Variants in ATP9B observed in about 807,000 individuals in gnomAD.
ATP9B encodes ATPase phospholipid transporting 9B.
A neutral mutation model predicts 146.1 loss-of-function variants in ATP9B; 110 were observed. The ratio of observed to expected loss-of-function variants is 0.75; its 90% CI spans 0.65 to 0.88. The LOEUF (loss-of-function observed/expected upper bound fraction) is 0.88. Ranked by LOEUF, ATP9B falls within the 40% of genes least tolerant of loss-of-function variation. ATP9B has a pLI of 0.00. For synonymous variants in ATP9B, 604 were observed against 569.7 expected, an observed-to-expected ratio of 1.06 and a Z score of -0.86; for missense variants, 1,499 against 1,496.4, an observed-to-expected ratio of 1.00 and a Z score of -0.03.
intron 7 of ATP9B, among the ~76,000 whole-genome samples, chr18:79,156,665 T>G (rs2094787199): frequency 6.6e-6 from 1 of 152,262 alleles, no homozygotes; most frequent in Non-Finnish European, 1.5e-5. Flanking sequence ...TTCTTACTAA[T>G]TCTCTTTGCA....
At chr18:79,249,852 A>G (rs2096005598) in intron 11 of ATP9B, among the ~76,000 whole-genome samples, 1 of 152,240 alleles carries the variant, frequency 6.6e-6, no homozygotes, top group African/African-American at 2.4e-5. Context: ...AAATAAAATA[A>G]AATAAAAGCA....
chr18:79,069,510 G>A lies in ATP9B; in HGVS notation c.100G>A (p.Gly34Arg). ...CTACAGCGCCGCGGGGCCCAGGCCGGGAGCCGACCGGCACAGCAGGTAACC... is the reference window on the plus strand; with the variant it reads ...CTACAGCGCCGCGGGGCCCAGGCCGAGAGCCGACCGGCACAGCAGGTAACC... ...AYYSAAGPRPGADRHSRYQLE... is the reference protein window; with the variant it reads ...AYYSAAGPRPRADRHSRYQLE... The change falls in exon 1 of 30, where the codon GGA (glycine) becomes AGA (arginine). Residue 34 changes from glycine to arginine, a missense_variant. Coordinates refer to ENST00000426216, the MANE Select transcript of ATP9B (RefSeq NM_198531.5). 3 of 1,435,520 alleles carry A rather than the reference G, an allele frequency of 2.1e-6. No homozygotes were observed. The South Asian group carries it at 4.3e-5, about 20-fold the overall frequency. The allele number at this position is 1,435,520 out of a possible 1,614,324, so 88.9% of individuals were successfully genotyped here.
intron 11 of ATP9B, among the ~76,000 whole-genome samples, chr18:79,220,066 T>A (rs1380212324): frequency 6.6e-6 from 1 of 152,114 alleles, no homozygotes; most frequent in African/African-American, 2.4e-5. Flanking sequence ...GCTGGGCTGG[T>A]GCAGAGGTTT....
At chr18:79,076,274 T>G (rs1431746901) in intron 1 of ATP9B, among the ~76,000 whole-genome samples, 1 of 152,260 alleles carries the variant, frequency 6.6e-6, no homozygotes, top group Non-Finnish European at 1.5e-5. Context: ...TATTTCCTGA[T>G]AGTCCACAAT....
At chr18:79,366,977 A>G (rs1275323899) in intron 26 of ATP9B, among the ~76,000 whole-genome samples, 5 of 152,270 alleles carry the variant, frequency 3.3e-5, no homozygotes, top group African/African-American at 9.6e-5. Context: ...CAGCATGACT[A>G]GATGATAACC....
chr18:79,366,678 C>T (rs2097031336), intron 26 of ATP9B, among the ~76,000 whole-genome samples: 1 of 152,196 alleles, frequency 6.6e-6, no homozygotes, highest in Admixed American at 6.5e-5. Context: ...AGGCCATACA[C>T]CGAGTGGCTA....
chr18:79,373,785 G>A, intron 27 of ATP9B, 113 bp from the exon 28 acceptor site: 1 of 1,091,914 alleles, frequency 9.2e-7, no homozygotes, highest in East Asian at 2.5e-5. Context: ...TGCTGCGCCT[G>A]GCCTATCCCC....
At chr18:79,341,880 C>A (rs2096861289) in intron 19 of ATP9B, among the ~76,000 whole-genome samples, 1 of 152,224 alleles carries the variant, frequency 6.6e-6, no homozygotes, top group Non-Finnish European at 1.5e-5. Context: ...AGAACTGTTC[C>A]ATCCTCCTAA....
At chr18:79,112,803 T>C (rs928474411) in intron 3 of ATP9B, among the ~76,000 whole-genome samples, 6 of 152,152 alleles carry the variant, frequency 3.9e-5, no homozygotes, top group African/African-American at 1.4e-4. Context: ...AAGGTTAATA[T>C]GACTTTTCCA....
intron 14 of ATP9B, among the ~76,000 whole-genome samples, chr18:79,304,535 T>C (rs986900870): frequency 1.3e-5 from 2 of 152,216 alleles, no homozygotes; most frequent in Non-Finnish European, 2.9e-5. Flanking sequence ...ATTTTAGATT[T>C]TTGGATCAGG....
chr18:79,345,644 T>G (rs1008825017), intron 22 of ATP9B, 72 bp downstream of exon 22: 2 of 1,596,498 alleles, frequency 1.3e-6, no homozygotes, highest in Non-Finnish European at 8.5e-7. Flanking sequence ...TGGGCAAAGT[T>G]TGTTCCATCT....
At chr18:79,173,103 G>A (rs535691649) in intron 7 of ATP9B, among the ~76,000 whole-genome samples, 11 of 152,178 alleles carry the variant, frequency 7.2e-5, no homozygotes, top group Non-Finnish European at 1.5e-4. Context: ...CGTTGAGCAC[G>A]TTCTTGCTGC....
intron 12 of ATP9B, among the ~76,000 whole-genome samples, chr18:79,269,620 T>C (rs550389357): frequency 6.6e-5 from 10 of 152,346 alleles, no homozygotes; most frequent in African/African-American, 2.4e-4. Flanking sequence ...TGCTCTGTGT[T>C]ATGTGGTAGT....
intron 1 of ATP9B, among the ~76,000 whole-genome samples, chr18:79,093,440 T>G (rs1034112241): frequency 6.6e-6 from 1 of 152,228 alleles, no homozygotes; most frequent in Non-Finnish European, 1.5e-5. Context: ...CTATATGTAA[T>G]GAGTTGTGTT....
rs1481531127 is a variant in ATP9B, at chr18:79,141,100, T to TGG, written c.668-2700_668-2699dup. 2.6e-5 allele frequency among the ~76,000 whole-genome samples: 4 copies of TGG among 152,296 alleles called. No individual in the cohort carries two copies. In the East Asian group the frequency reaches 7.7e-4, roughly 29 times the overall value. Reference sequence around the variant, plus strand: ...TAGTTCCCATAATCCCCATGTGTCATGGGAGGGACCCAGTGGGAAGTAATT... The same window carrying TGG: ...TAGTTCCCATAATCCCCATGTGTCATGGGGGAGGGACCCAGTGGGAAGTAATT... On this transcript the variant is annotated intron_variant, in intron 5 of 29. Transcript: ENST00000426216.
At chr18:79,260,448 G>C (rs922179387) in intron 12 of ATP9B, among the ~76,000 whole-genome samples, 5 of 152,176 alleles carry the variant, frequency 3.3e-5, no homozygotes, top group African/African-American at 1.2e-4. Context: ...CACAGAGCCA[G>C]ACCATTTCAG....
intron 7 of ATP9B, among the ~76,000 whole-genome samples, chr18:79,171,520 G>C (rs984226247): frequency 1.3e-5 from 2 of 152,128 alleles, no homozygotes; most frequent in African/African-American, 4.8e-5. Flanking sequence ...CTCCTGGGAA[G>C]TTGCAAAGGT....
chr18:79,249,029 T>C (rs899509005), intron 11 of ATP9B, among the ~76,000 whole-genome samples: 1 of 152,016 alleles, frequency 6.6e-6, no homozygotes, highest in Non-Finnish European at 1.5e-5. Flanking sequence ...TTTGAAGTGT[T>C]GCTGTGTCAT....
At chr18:79,290,062 G>A (rs1218684132) in intron 13 of ATP9B, among the ~76,000 whole-genome samples, 1 of 152,120 alleles carries the variant, frequency 6.6e-6, no homozygotes, top group African/African-American at 2.4e-5. Flanking sequence ...CGGGGGTCAG[G>A]GGTCAGGGAC....
Sources: gnomAD v4.1 joint callset for allele counts (sites outside exome capture counted in the v4.1 genomes callset) on GRCh38, gnomAD v4.1.1 for gene constraint, MANE v1.5 for transcripts, NCBI Gene and HGNC (gene_info 2026-07-23, HGNC 2026-07-21) for gene names.